Variants in PRKD3 observed in about 807,000 individuals in gnomAD.
The protein encoded by PRKD3 is serine/threonine-protein kinase D3.
PRKD3 carries 47 observed loss-of-function variants against 99.2 expected under a neutral mutation model. The observed-to-expected ratio is 0.47, with a 90% CI of 0.38 to 0.60. The LOEUF (loss-of-function observed/expected upper bound fraction) is 0.60. PRKD3 is among the 20% of genes least tolerant of loss of function. The probability of loss-of-function intolerance (pLI) is 0.00; values close to 1 mark genes in which losing one functional copy is unlikely to be tolerated. For synonymous variants in PRKD3, 392 were observed against 355.4 expected (o/e 1.10, Z -1.16); for missense variants, 1,019 against 1,088.4 (o/e 0.94, Z 0.90).
At chr2:37,257,065 G>C (rs1331204425) in intron 16 of PRKD3, 136 bp from the exon 17 acceptor site, 37 of 1,009,528 alleles carry the variant, frequency 3.7e-5, no homozygotes, top group Non-Finnish European at 3.4e-5. Context: ...TCACAGATAA[G>C]GAAATTGTAA....
intron 2 of PRKD3, among the ~76,000 whole-genome samples, chr2:37,295,153 T>G (rs924781670): frequency 6.6e-6 from 1 of 152,194 alleles, no homozygotes; most frequent in South Asian, 2.1e-4. Flanking sequence ...ACTTCTTGCA[T>G]GTCCGGTAAG....
rs76505778 is a variant in PRKD3, at chr2:37,290,742, C to G, written c.559+126G>C. On this transcript the variant is annotated intron_variant, in intron 4 of 18. Coordinates refer to ENST00000234179, the MANE Select transcript of PRKD3 (RefSeq NM_005813.6). ...GCAGAGATAAAATGAGAGTCCTGAT[C>G]TCTCCAATTCTAAATCCTCGTTACC... The G allele has an allele frequency of 1.6e-3, 1,696 of 1,038,040 alleles. 52 individuals carry two copies. The East Asian group carries it at 0.043, about 26-fold the overall frequency. 64.3% of individuals were successfully genotyped at this position (1,038,040 alleles called of 1,614,324 possible).
At chr2:37,295,263 A>G (rs1226248465) in intron 2 of PRKD3, among the ~76,000 whole-genome samples, 1 of 152,190 alleles carries the variant, frequency 6.6e-6, no homozygotes, top group African/African-American at 2.4e-5. Flanking sequence ...AAATATATAT[A>G]GTATAAGGCA....
chr2:37,287,519 T>C (rs1282797029), intron 5 of PRKD3, among the ~76,000 whole-genome samples: 3 of 152,288 alleles, frequency 2.0e-5, no homozygotes, highest in South Asian at 4.1e-4. Flanking sequence ...TGACTAGTTA[T>C]AGAAGGCAGC....
At position 37,282,527 on chromosome 2, in the gene PRKD3, G is replaced by A. The variant is rs756575088; in HGVS notation, c.988+15C>T. 1 of 1,517,154 alleles carries A rather than the reference G, an allele frequency of 6.6e-7. No homozygotes were observed. Among genetic ancestry groups the A allele is most frequent in the African/African-American group, 1.4e-5 (1 of 72,546 alleles). The allele number at this position is 1,517,154 out of a possible 1,614,324, so 94.0% of individuals were successfully genotyped here. A position where few individuals can be genotyped will look rare whatever the true frequency, so the allele number is the denominator to read the frequency against. ...TTTTCTGATCTTTCACAAAAATTAA[G>A]AAAAATAATTTTACCTCCATTGAAA... On this transcript the variant is annotated intron_variant, in intron 7 of 18. Transcript: ENST00000234179.
chr2:37,319,280 T>C (rs1366179184), intron 1 of PRKD3, among the ~76,000 whole-genome samples: 1 of 152,116 alleles, frequency 6.6e-6, no homozygotes, highest in Non-Finnish European at 1.5e-5. Flanking sequence ...GGAGTGTGGG[T>C]TGGATGTTAG....
Position 37,317,224 on chromosome 2 carries a change from C to T in PRKD3, c.-655-45G>A, listed in dbSNP as rs968529056. ...AGGTTTTTAATACTTTATATTCATTCGACATTAATTTAAAAATAAGAACAT... is the reference window on the plus strand; with the variant it reads ...AGGTTTTTAATACTTTATATTCATTTGACATTAATTTAAAAATAAGAACAT... On this transcript the variant is annotated intron_variant, in intron 1 of 18. Coordinates refer to ENST00000234179, the MANE Select transcript of PRKD3 (RefSeq NM_005813.6). 29 of 771,600 alleles carry T rather than the reference C, an allele frequency of 3.8e-5. No homozygotes were observed. The East Asian group carries it at 6.4e-4, about 17-fold the overall frequency. The allele number at this position is 771,600 out of a possible 1,614,324, so 47.8% of individuals were successfully genotyped here. A position where few individuals can be genotyped will look rare whatever the true frequency, so the allele number is the denominator to read the frequency against.
chr2:37,279,151 T>C (rs1180236767), intron 8 of PRKD3: 1 of 152,148 alleles, frequency 6.6e-6, no homozygotes, highest in East Asian at 1.9e-4. Flanking sequence ...AAACAAAACC[T>C]GCCAAAATGG....
intron 2 of PRKD3, among the ~76,000 whole-genome samples, chr2:37,311,236 A>G (rs570238864): frequency 6.6e-6 from 1 of 152,308 alleles, no homozygotes; most frequent in East Asian, 1.9e-4. Context: ...GCAAGCAAAA[A>G]GTAGGATTGA....
intron 2 of PRKD3, among the ~76,000 whole-genome samples, chr2:37,308,579 C>G (rs181207556): frequency 2.0e-5 from 3 of 149,822 alleles, no homozygotes; most frequent in East Asian, 2.0e-4. Flanking sequence ...CTCAGCCTCC[C>G]GAGTAGTTGG....
chr2:37,324,029 T>A (rs889136638), intron 1 of PRKD3, among the ~76,000 whole-genome samples: 3 of 152,138 alleles, frequency 2.0e-5, no homozygotes, highest in African/African-American at 7.2e-5. Flanking sequence ...AATACAGTAG[T>A]ATATGGTTAT....
intron 13 of PRKD3, chr2:37,267,877 G>C (rs929730326): frequency 8.9e-6 from 2 of 225,326 alleles, no homozygotes; most frequent in South Asian, 6.9e-5. Context: ...CTGTATGAAT[G>C]AATCAATTTT....
chr2:37,253,175 G>T lies in PRKD3; in HGVS notation c.*2C>A. On this transcript the variant is annotated 3_prime_UTR_variant, in exon 19 of 19. Coordinates refer to ENST00000234179, the MANE Select transcript of PRKD3 (RefSeq NM_005813.6). The stretch of plus-strand genomic sequence containing the variant: ...CCTTCCTTATTTAGGTTAGCTCAGT[G>T]ATTAAGGATCTTCTTCCATATCATC... 2 of 1,590,936 alleles carry T rather than the reference G, an allele frequency of 1.3e-6. No homozygotes were observed. The highest frequency in any genetic ancestry group is 1.7e-6 in the Non-Finnish European group (2 of 1,165,574).
chr2:37,251,075 T>TA lies in PRKD3; in HGVS notation c.*2101dup, dbSNP rs368098637. The TA allele has an allele frequency of 2.1e-3, 314 of 152,722 alleles. 1 individual carries two copies. The highest frequency in any genetic ancestry group is 6.9e-3 in the African/African-American group (287 of 41,580). The allele number at this position is 152,722 out of a possible 1,614,324, so 9.5% of individuals were successfully genotyped here. ...TCCAGTTAATTTTCACCTTACATAG[T>TA]AAAACCACAGTAGATTGATTGCCTA... On this transcript the variant is annotated 3_prime_UTR_variant, in exon 19 of 19. Transcript: ENST00000234179.
Position 37,250,934 on chromosome 2 carries a change from G to A in PRKD3, c.*2243C>T, listed in dbSNP as rs1359490386. 1 of 152,624 alleles carries A rather than the reference G, an allele frequency of 6.6e-6. No homozygotes were observed. The highest frequency in any genetic ancestry group is 2.4e-5 in the African/African-American group (1 of 41,460). 9.5% of individuals were successfully genotyped at this position (152,624 alleles called of 1,614,324 possible). The stretch of plus-strand genomic sequence containing the variant: ...TCATTCAACTCCAGATTCTCTGACA[G>A]TGCCTTTACAAAATTTTTAGAAAAC... On this transcript the variant is annotated 3_prime_UTR_variant, in exon 19 of 19. Transcript: ENST00000234179.
In PRKD3 at chr2:37,293,223, G is replaced by C; in HGVS notation, c.337C>G (p.Arg113Gly). ...FGMYDKILLF[R>G]HDMNSENILQ... ...ATGTTTTCTGAGTTCATGTCATGGCGAAAGAGAAGAATTTTGTCATACATG... is the reference window on the plus strand; with the variant it reads ...ATGTTTTCTGAGTTCATGTCATGGCCAAAGAGAAGAATTTTGTCATACATG... The change falls in exon 3 of 19, where the codon CGC becomes GGC. Residue 113 changes from arginine (R) to glycine (G), a missense_variant. Physicochemically the swap from Arg to Gly is moderately radical, Grantham distance 125. Coordinates refer to ENST00000234179, the MANE Select transcript of PRKD3 (RefSeq NM_005813.6). The C allele has an allele frequency of 6.2e-7, 1 of 1,602,968 alleles. No homozygotes were observed. Among genetic ancestry groups the C allele is most frequent in the Non-Finnish European group, 8.5e-7 (1 of 1,171,606 alleles).
chr2:37,313,545 G>C (rs1484392090), intron 2 of PRKD3, among the ~76,000 whole-genome samples: 2 of 152,110 alleles, frequency 1.3e-5, no homozygotes, highest in African/African-American at 2.4e-5. Flanking sequence ...AGTTGACAGA[G>C]TGAATCTAAA....
intron 14 of PRKD3, among the ~76,000 whole-genome samples, chr2:37,266,953 T>G (rs1434258605): frequency 6.6e-6 from 1 of 152,238 alleles, no homozygotes; most frequent in Non-Finnish European, 1.5e-5. Flanking sequence ...AAATGCTAGA[T>G]GAAAAACACA....
chr2:37,266,199 G>C (rs1668825855), intron 14 of PRKD3, among the ~76,000 whole-genome samples: 1 of 152,118 alleles, frequency 6.6e-6, no homozygotes, highest in African/African-American at 2.4e-5. Flanking sequence ...GTTACTATTA[G>C]CAACAAGTAA....
Sources: gnomAD v4.1 joint callset for allele counts (sites outside exome capture counted in the v4.1 genomes callset) on GRCh38, gnomAD v4.1.1 for gene constraint, MANE v1.5 for transcripts, NCBI Gene and HGNC (gene_info 2026-07-23, HGNC 2026-07-21) for gene names.